Variants in FOXN2 observed in about 807,000 individuals in gnomAD.
FOXN2 encodes forkhead box protein N2.
A neutral mutation model predicts 41.2 loss-of-function variants in FOXN2; 19 were observed. That is an observed-to-expected ratio of 0.46 (90% CI 0.32 to 0.68). FOXN2 has a LOEUF of 0.68. Ranked by LOEUF, FOXN2 falls within the 30% of genes least tolerant of loss-of-function variation. The probability of loss-of-function intolerance (pLI) is 0.03; values close to 1 mark genes in which losing one functional copy is unlikely to be tolerated. For missense variants in FOXN2, 587 were observed against 509.4 expected (o/e 1.15, Z -1.47); for synonymous variants, 195 against 176.8 (o/e 1.10, Z -0.82).
intron 1 of FOXN2, among the ~76,000 whole-genome samples, chr2:48,324,171 C>T (rs913218982): frequency 1.3e-5 from 2 of 150,362 alleles, no homozygotes; most frequent in Non-Finnish European, 3.0e-5. Flanking sequence ...GTATTCTGTA[C>T]GTGAATGACA....
At chr2:48,329,765 G>A (rs1399732135) in intron 2 of FOXN2, among the ~76,000 whole-genome samples, 1 of 152,084 alleles carries the variant, frequency 6.6e-6, no homozygotes, top group African/African-American at 2.4e-5. Context: ...TTATAATGGA[G>A]AATCTTAATC....
intron 1 of FOXN2, among the ~76,000 whole-genome samples, chr2:48,325,243 G>C (rs1317451716): frequency 6.6e-6 from 1 of 152,098 alleles, no homozygotes; most frequent in Admixed American, 6.5e-5. Flanking sequence ...CTCTATGTGT[G>C]TTTCTGCATA....
intron 1 of FOXN2, among the ~76,000 whole-genome samples, chr2:48,321,364 C>T (rs1669304109): frequency 6.6e-6 from 1 of 152,022 alleles, no homozygotes; most frequent in South Asian, 2.1e-4. Context: ...GAAACCCCGT[C>T]TCTACTAAAA....
At chr2:48,333,481 C>T (rs536131474) in intron 2 of FOXN2, among the ~76,000 whole-genome samples, 9 of 152,032 alleles carry the variant, frequency 5.9e-5, no homozygotes, top group Non-Finnish European at 1.3e-4. Flanking sequence ...CACTCTGTAT[C>T]CTCACCTGTT....
chr2:48,365,653 C>T (rs1420783726), intron 5 of FOXN2, among the ~76,000 whole-genome samples: 1 of 152,172 alleles, frequency 6.6e-6, no homozygotes, highest in Non-Finnish European at 1.5e-5. Context: ...TATGCATCAT[C>T]TGTCTAGTGC....
chr2:48,353,732 T>C (rs1043468038), intron 3 of FOXN2, among the ~76,000 whole-genome samples: 3 of 152,146 alleles, frequency 2.0e-5, no homozygotes, highest in Non-Finnish European at 4.4e-5. Context: ...TTTTTTGTTA[T>C]AAACACTGCT....
chr2:48,363,545 ACT>A (rs1331812003), intron 5 of FOXN2, among the ~76,000 whole-genome samples: 2 of 152,050 alleles, frequency 1.3e-5, no homozygotes, highest in African/African-American at 4.8e-5. Context: ...CACCACTAAC[ACT>A]CTCTGGCTCA....
At chr2:48,314,367 A>AGCCCT (rs1277546395), upstream of FOXN2, among the ~76,000 whole-genome samples, 2 of 152,158 alleles carry the variant, frequency 1.3e-5, no homozygotes, top group Non-Finnish European at 2.9e-5. Flanking sequence ...TGCCCTGCTC[A>AGCCCT]GCCCTAAACC....
At chr2:48,338,770 C>T (rs1670538449) in intron 2 of FOXN2, among the ~76,000 whole-genome samples, 1 of 152,226 alleles carries the variant, frequency 6.6e-6, no homozygotes, top group African/African-American at 2.4e-5. Flanking sequence ...ATAAAAAATA[C>T]ATGTATACAT....
At position 48,378,357 on chromosome 2, in the gene FOXN2, T is replaced by C. The variant is rs184244307; in HGVS notation, c.*2914T>C. 1 of 152,200 alleles carries C rather than the reference T, an allele frequency of 6.6e-6. No individual in the cohort carries two copies. Among genetic ancestry groups the C allele is most frequent in the Admixed American group, 6.6e-5 (1 of 15,194 alleles). The allele number at this position is 152,200 out of a possible 1,614,324, so 9.4% of individuals were successfully genotyped here. On this transcript the variant is annotated 3_prime_UTR_variant, in exon 7 of 7. Coordinates refer to ENST00000340553, the MANE Select transcript of FOXN2 (RefSeq NM_002158.4). ...ATGACTTCTTTTAACTTGGATTCCT[T>C]TGTATATAGTAAAGTTTAGTATATA...
chr2:48,369,637 T>C (rs1162340784), intron 5 of FOXN2, among the ~76,000 whole-genome samples: 1 of 152,220 alleles, frequency 6.6e-6, no homozygotes, highest in East Asian at 1.9e-4. Flanking sequence ...TGGTTTCTCA[T>C]TATAATGCAT....
chr2:48,356,380 G>A (rs1455589865), intron 3 of FOXN2, among the ~76,000 whole-genome samples: 1 of 152,100 alleles, frequency 6.6e-6, no homozygotes, highest in Non-Finnish European at 1.5e-5. Flanking sequence ...GGCGGAGGTT[G>A]CAGTGAGCCG....
chr2:48,358,986 A>C, intron 3 of FOXN2, 61 bp from the exon 4 acceptor site: 3 of 1,299,626 alleles, frequency 2.3e-6, no homozygotes, highest in South Asian at 2.5e-5. Context: ...TATTTAAAAC[A>C]TTTAGACGCT....
At chr2:48,369,819 A>G (rs1434052437) in intron 5 of FOXN2, among the ~76,000 whole-genome samples, 1 of 151,928 alleles carries the variant, frequency 6.6e-6, no homozygotes, top group Non-Finnish European at 1.5e-5. Context: ...AACACGGTAA[A>G]ACCATATCTC....
rs138622508 is a variant in FOXN2 at position 48,363,572 on chromosome 2, G to A, written c.703+865G>A. Among the ~76,000 whole-genome samples, 47 of 152,182 alleles carry A rather than the reference G, an allele frequency of 3.1e-4. 1 individual carries two copies. The South Asian group carries it at 7.1e-3, about 23-fold the overall frequency. ...TCTCTGGCTCACCCAGAGCAATTCC[G>A]GTCCTTCAAGCTTCATTCATGGTAA... On this transcript the variant is annotated intron_variant, in intron 5 of 6. Coordinates refer to ENST00000340553, the MANE Select transcript of FOXN2 (RefSeq NM_002158.4).
chr2:48,373,182 T>A (rs1168970729), intron 5 of FOXN2, 110 bp from the exon 6 acceptor site: 17 of 725,394 alleles, frequency 2.3e-5, no homozygotes, highest in Non-Finnish European at 4.0e-5. Flanking sequence ...TATGCTTTCT[T>A]AGAATATACA....
intron 3 of FOXN2, among the ~76,000 whole-genome samples, chr2:48,348,712 A>C (rs1337679320): frequency 6.6e-6 from 1 of 152,248 alleles, no homozygotes; most frequent in Non-Finnish European, 1.5e-5. Flanking sequence ...AATTACCATC[A>C]GTACACCACA....
intron 1 of FOXN2, among the ~76,000 whole-genome samples, chr2:48,319,392 T>A (rs1669140049): frequency 6.6e-6 from 1 of 152,138 alleles, no homozygotes; most frequent in African/African-American, 2.4e-5. Flanking sequence ...ACATTGGGAA[T>A]GTTACTGGGA....
At chr2:48,315,246 T>G (rs1460687838) in intron 1 of FOXN2, among the ~76,000 whole-genome samples, 1 of 152,066 alleles carries the variant, frequency 6.6e-6, no homozygotes, top group Non-Finnish European at 1.5e-5. Context: ...TCGGAGCCTT[T>G]GCAACGCCCC....
Sources: allele counts gnomAD v4.1 joint callset (sites outside exome capture counted in the v4.1 genomes callset), GRCh38; gene constraint gnomAD v4.1.1; transcripts MANE v1.5; gene names NCBI Gene and HGNC (gene_info 2026-07-23, HGNC 2026-07-21).